Variants in COX7A2L observed in about 807,000 individuals in gnomAD.
COX7A2L encodes cytochrome c oxidase subunit 7A2-like, mitochondrial.
COX7A2L carries 18 observed loss-of-function variants against 14.2 expected under a neutral mutation model. The observed-to-expected ratio is 1.27, with a 90% CI of 0.88 to 1.88. The LOEUF (loss-of-function observed/expected upper bound fraction) is 1.88. COX7A2L is among the 40% of genes most tolerant of loss of function. COX7A2L has a pLI of 0.00. For missense variants in COX7A2L, 179 were observed against 138.8 expected, an observed-to-expected ratio of 1.29 and a Z score of -1.46; for synonymous variants, 65 against 57.4, an observed-to-expected ratio of 1.13 and a Z score of -0.60.
At chr2:42,360,863 G>C in intron 1 of COX7A2L, 2 of 589,274 alleles carry the variant, frequency 3.4e-6, no homozygotes, top group Admixed American at 3.0e-5. Context: ...CAGTGAGCCA[G>C]ACCAAACTTC....
chr2:42,361,142 C>T lies in COX7A2L; in HGVS notation c.20G>A (p.Gly7Asp), dbSNP rs773755117. Reference protein sequence around the residue: MYYKFSGFTQKLAGAWA... With the variant: MYYKFSDFTQKLAGAWA... ...TGCTCCTGCCAACTTCTGCGTGAAG[C>T]CACTAAACTTGTAGTACATGACGCC... The change falls in exon 1 of 3, where the codon GGC (glycine) becomes GAC (aspartate). Residue 7 changes from glycine (G) to aspartate (D), a missense_variant. Transcript: ENST00000234301. 1.2e-6 allele frequency: 2 copies of T among 1,613,662 alleles called. No individual in the cohort carries two copies. The highest frequency in any genetic ancestry group is 1.3e-5 in the African/African-American group (1 of 74,908).
At chr2:42,337,148 C>T (rs1053535494) in intron 2 of COX7A2L, among the ~76,000 whole-genome samples, 1 of 152,148 alleles carries the variant, frequency 6.6e-6, no homozygotes, top group African/African-American at 2.4e-5. Flanking sequence ...TGCACTGAAA[C>T]CATCCACCCA....
chr2:42,355,178 A>G (rs1670778070), intron 1 of COX7A2L, among the ~76,000 whole-genome samples: 1 of 152,244 alleles, frequency 6.6e-6, no homozygotes, highest in Admixed American at 6.5e-5. Flanking sequence ...ATTTAGAAAT[A>G]CAACACACTC....
At position 42,342,489 on chromosome 2, in the gene COX7A2L, T is replaced by C. The variant is rs1201942406; in HGVS notation, c.193-8620A>G. On this transcript the variant is annotated intron_variant, in intron 2 of 2. Coordinates refer to the COX7A2L transcript ENST00000468711. This position sits in a 1 kb window ranked among gnomAD's most constrained non-coding sequence, Gnocchi z 4.9. ...GTCCCTAACTCCATCTGCTTTACTT[T>C]ACAGCCCTTCCAAGGCTTCTTCCTA... 1.3e-5 allele frequency among the ~76,000 whole-genome samples: 2 copies of C among 152,164 alleles called. No individual in the cohort carries two copies. Among genetic ancestry groups the C allele is most frequent in the Non-Finnish European group, 2.9e-5 (2 of 68,034 alleles).
At chr2:42,346,176 A>T (rs77941865), downstream of COX7A2L, among the ~76,000 whole-genome samples, 1,251 of 152,270 alleles carry the variant, frequency 8.2e-3, 13 homozygotes, top group African/African-American at 0.029. Context: ...CCTGGAATTA[A>T]GGGCATGTTG....
upstream of COX7A2L, among the ~76,000 whole-genome samples, chr2:42,366,076 T>C (rs1671158357): frequency 6.6e-6 from 1 of 152,238 alleles, no homozygotes; most frequent in South Asian, 2.1e-4. Context: ...TGGATCATTT[T>C]CTTTTGAGGT....
downstream of COX7A2L, among the ~76,000 whole-genome samples, chr2:42,347,116 C>T (rs114298184): frequency 3.0e-4 from 46 of 152,304 alleles, no homozygotes; most frequent in African/African-American, 1.0e-3. Flanking sequence ...TCTGCCACCT[C>T]AGCCTCCCAA....
At chr2:42,361,286 A>C, upstream of COX7A2L, 3 of 835,700 alleles carry the variant, frequency 3.6e-6, no homozygotes, top group Non-Finnish European at 5.6e-6. Context: ...GGGCTGCCCG[A>C]AGATCGCCTA....
chr2:42,355,306 T>C (rs1474969295), intron 1 of COX7A2L, among the ~76,000 whole-genome samples: 2 of 152,252 alleles, frequency 1.3e-5, no homozygotes, highest in Non-Finnish European at 2.9e-5. Context: ...CTTTATATCA[T>C]TCTGTGAGCT....
In COX7A2L at chr2:42,342,856, C is replaced by CTGGAG. The variant is rs1670427163; in HGVS notation, c.193-8988_193-8987insCTCCA. ...AAGTCAGCTCCAGCAGTCTTGGGAC[C>CTGGAG]CTGGGCAAGCAGCATCTGGGCCCCC... On this transcript the variant is annotated intron_variant, in intron 2 of 2. Coordinates refer to the COX7A2L transcript ENST00000468711. The surrounding 1 kb of genome is among the most constrained non-coding windows in gnomAD (Gnocchi z 4.9). 6.6e-6 allele frequency among the ~76,000 whole-genome samples: 1 copy of CTGGAG among 152,140 alleles called. No individual in the cohort carries two copies.
intron 1 of COX7A2L, chr2:42,359,342 C>CA (rs1247775223): frequency 6.6e-6 from 1 of 152,172 alleles, no homozygotes; most frequent in African/African-American, 2.4e-5. Flanking sequence ...CAGGGATTGA[C>CA]AGAGGGTACA....
At chr2:42,365,135 GACATCATCTGTAAAATTACA>G (rs1158922992), upstream of COX7A2L, among the ~76,000 whole-genome samples, 6 of 152,266 alleles carry the variant, frequency 3.9e-5, no homozygotes, top group East Asian at 1.9e-4. Flanking sequence ...ATTTTACATT[GACATCATCTGTAAAATTACA>G]GTACACACAG....
At chr2:42,348,724 T>A (rs1166680732), downstream of COX7A2L, among the ~76,000 whole-genome samples, 3 of 152,196 alleles carry the variant, frequency 2.0e-5, no homozygotes, top group East Asian at 5.8e-4. Flanking sequence ...CGAGACCATC[T>A]TGGCCTACAT....
chr2:42,367,429 G>A (rs1324650079), intron 1 of COX7A2L, among the ~76,000 whole-genome samples: 2 of 152,152 alleles, frequency 1.3e-5, no homozygotes, highest in Admixed American at 1.3e-4. Flanking sequence ...GAGGAGAGCT[G>A]GGGTCTTCTC....
At chr2:42,343,660 G>C (rs994527613) in intron 2 of COX7A2L, among the ~76,000 whole-genome samples, 3 of 152,166 alleles carry the variant, frequency 2.0e-5, no homozygotes, top group Non-Finnish European at 4.4e-5. Context: ...GAATTTCTCA[G>C]CAACCAATTT....
upstream of COX7A2L, among the ~76,000 whole-genome samples, chr2:42,364,413 T>C (rs1052338365): frequency 1.4e-4 from 21 of 152,198 alleles, no homozygotes; most frequent in African/African-American, 4.1e-4. Context: ...TGCAATGTTA[T>C]AGTGAAGTGT....
At chr2:42,356,059 T>C (rs1158129262) in intron 1 of COX7A2L, among the ~76,000 whole-genome samples, 1 of 152,126 alleles carries the variant, frequency 6.6e-6, no homozygotes, top group Non-Finnish European at 1.5e-5. Context: ...AGCTAGGCTC[T>C]TGCTTTGTCA....
At chr2:42,366,152 G>A (rs995862950), upstream of COX7A2L, among the ~76,000 whole-genome samples, 9 of 152,188 alleles carry the variant, frequency 5.9e-5, no homozygotes, top group Non-Finnish European at 1.3e-4. Context: ...GGGGCGGGCT[G>A]GGTGTGGTGG....
downstream of COX7A2L, among the ~76,000 whole-genome samples, chr2:42,346,869 GCTAT>G (rs1216497161): frequency 6.6e-6 from 1 of 151,724 alleles, no homozygotes; most frequent in African/African-American, 2.4e-5. Context: ...TTTTTTATGA[GCTAT>G]CTATTCATGT....
Sources: gnomAD v4.1 joint callset for allele counts (sites outside exome capture counted in the v4.1 genomes callset) on GRCh38, gnomAD v4.1.1 for gene constraint, Gnocchi (gnomAD v3.1) non-coding constraint, MANE v1.5 for transcripts, NCBI Gene and HGNC (gene_info 2026-07-23, HGNC 2026-07-21) for gene names.